DCUN1D5: variants seen among roughly 807,000 people sequenced by gnomAD.
DCUN1D5 encodes the protein DCN1-like protein 5.
Under a neutral mutation model 38.3 loss-of-function variants are expected in DCUN1D5, and 10 were observed. The observed-to-expected ratio is 0.26, with a 90% CI of 0.16 to 0.44. DCUN1D5 has a LOEUF of 0.44. Ranked by LOEUF, DCUN1D5 falls within the 20% of genes least tolerant of loss-of-function variation. The probability of loss-of-function intolerance (pLI) is 1.00; values close to 1 mark genes in which losing one functional copy is unlikely to be tolerated. For missense variants in DCUN1D5, 148 were observed against 275.3 expected (o/e 0.54, Z 3.27); for synonymous variants, 93 against 90.9 (o/e 1.02, Z -0.13).
In DCUN1D5 at chr11:103,065,269, A is replaced by G. The variant is rs542294131; in HGVS notation, c.556-892T>C. Among the ~76,000 whole-genome samples, 9 of 151,914 alleles carry G rather than the reference A, an allele frequency of 5.9e-5. No individual in the cohort carries two copies. The highest frequency in any genetic ancestry group is 2.2e-4 in the African/African-American group (9 of 41,410). On this transcript the variant is annotated intron_variant, in intron 6 of 7. Coordinates refer to ENST00000260247, the MANE Select transcript of DCUN1D5 (RefSeq NM_032299.4). The surrounding 1 kb of genome is among the most constrained non-coding windows in gnomAD (Gnocchi z 4.6). Reference sequence around the variant, plus strand: ...CTGGTTCAAGCAATTCTCGTGCCTCAGCCTCCCGAGTAGCTGGGACTACAG... The same window carrying G: ...CTGGTTCAAGCAATTCTCGTGCCTCGGCCTCCCGAGTAGCTGGGACTACAG...
rs7125239 is a variant in DCUN1D5 at position 103,058,896 on chromosome 11, T to G, written c.*3463A>C. Among the ~76,000 whole-genome samples, 51,497 of 150,324 alleles carry G rather than the reference T, an allele frequency of 0.34. 9,557 individuals carry two copies. Among genetic ancestry groups the G allele is most frequent in the African/African-American group, 0.49 (20,042 of 40,650 alleles). On this transcript the variant is annotated 3_prime_UTR_variant, in exon 8 of 8. Coordinates refer to ENST00000260247, the MANE Select transcript of DCUN1D5 (RefSeq NM_032299.4). ...TAGGAGTAAGACTTTTGGGTTTTTT[T>G]GGGGGGGGTTTTAATTTTATTTTTT...
In DCUN1D5 at chr11:103,071,134, C is replaced by T. The variant is rs1262292442; in HGVS notation, c.342-4567G>A. Among the ~76,000 whole-genome samples, 1 of 152,066 alleles carries T rather than the reference C, an allele frequency of 6.6e-6. No individual in the cohort carries two copies. Among genetic ancestry groups the T allele is most frequent in the Non-Finnish European group, 1.5e-5 (1 of 67,956 alleles). ...AAAAAGCCTTAATCAACAATCTAAGCTTGTACCTCTAGAACCCAGAAAAAG... is the reference window on the plus strand; with the variant it reads ...AAAAAGCCTTAATCAACAATCTAAGTTTGTACCTCTAGAACCCAGAAAAAG... On this transcript the variant is annotated intron_variant, in intron 4 of 7. Coordinates refer to ENST00000260247, the MANE Select transcript of DCUN1D5 (RefSeq NM_032299.4). This position sits in a 1 kb window ranked among gnomAD's most constrained non-coding sequence, Gnocchi z 4.1.
rs891557501 is a variant in DCUN1D5, at chr11:103,091,332, A to C, written c.86+455T>G. On this transcript the variant is annotated intron_variant, in intron 1 of 7. Coordinates refer to ENST00000260247, the MANE Select transcript of DCUN1D5 (RefSeq NM_032299.4). This position sits in a 1 kb window ranked among gnomAD's most constrained non-coding sequence, Gnocchi z 4.3. ...CAAGTTTTCCTTTCTACCATTCCCA[A>C]GACAGTTGTCAAGATTCCTTATGTT... 6.6e-6 allele frequency among the ~76,000 whole-genome samples: 1 copy of C among 152,240 alleles called. No individual in the cohort carries two copies. Among genetic ancestry groups the C allele is most frequent in the Admixed American group, 6.5e-5 (1 of 15,300 alleles).
rs1053729083 is a variant in DCUN1D5 at position 103,086,683 on chromosome 11, G to A, written c.178+2544C>T. On this transcript the variant is annotated intron_variant, in intron 2 of 7. Coordinates refer to ENST00000260247, the MANE Select transcript of DCUN1D5 (RefSeq NM_032299.4). This position sits in a 1 kb window ranked among gnomAD's most constrained non-coding sequence, Gnocchi z 4.1. ...CAAGTCCCCCAAAGGCAGGGATCTT[G>A]TCTGACTTGCTCAGCACTATATATC... Among the ~76,000 whole-genome samples the A allele has an allele frequency of 1.3e-5, 2 of 152,146 alleles. No homozygotes were observed. Among genetic ancestry groups the A allele is most frequent in the African/African-American group, 4.8e-5 (2 of 41,420 alleles).
rs553550151 is a variant in DCUN1D5 at position 103,083,515 on chromosome 11, G to C, written c.179-189C>G. On this transcript the variant is annotated intron_variant, in intron 2 of 7. Transcript: ENST00000260247. The surrounding 1 kb of genome is among the most constrained non-coding windows in gnomAD (Gnocchi z 4.4). Reference sequence around the variant, plus strand: ...ATTTAAAATTTGTGAAGTATTCTTTGAACACCAGATTACAATATGAAATTA... The same window carrying C: ...ATTTAAAATTTGTGAAGTATTCTTTCAACACCAGATTACAATATGAAATTA... Among the ~76,000 whole-genome samples, 1 of 151,866 alleles carries C rather than the reference G, an allele frequency of 6.6e-6. No individual in the cohort carries two copies. The highest frequency in any genetic ancestry group is 2.1e-4 in the South Asian group (1 of 4,810).
Position 103,086,217 on chromosome 11 carries a change from A to T in DCUN1D5, c.179-2891T>A, listed in dbSNP as rs969724388. Among the ~76,000 whole-genome samples the T allele has an allele frequency of 6.6e-6, 1 of 152,226 alleles. No homozygotes were observed. The highest frequency in any genetic ancestry group is 1.5e-5 in the Non-Finnish European group (1 of 68,044). ...AAATTCTCAGTGACACAGCACCTTC[A>T]ACATGAGCTACGTAAGAGTCATTAA... On this transcript the variant is annotated intron_variant, in intron 2 of 7. Transcript: ENST00000260247. The surrounding 1 kb of genome is among the most constrained non-coding windows in gnomAD (Gnocchi z 4.1).
intron 4 of DCUN1D5, among the ~76,000 whole-genome samples, chr11:103,070,547 AAAC>A (rs1373854632): frequency 6.6e-6 from 1 of 152,196 alleles, no homozygotes; most frequent in Non-Finnish European, 1.5e-5. Context: ...TATACACGTT[AAAC>A]AATAGAGCTG....
rs563077028 is a variant in DCUN1D5 at position 103,086,167 on chromosome 11, A to G, written c.179-2841T>C. Among the ~76,000 whole-genome samples the G allele has an allele frequency of 6.6e-6, 1 of 151,630 alleles. No individual in the cohort carries two copies. The highest frequency in any genetic ancestry group is 1.9e-4 in the East Asian group (1 of 5,184). On this transcript the variant is annotated intron_variant, in intron 2 of 7. Coordinates refer to ENST00000260247, the MANE Select transcript of DCUN1D5 (RefSeq NM_032299.4). This position sits in a 1 kb window ranked among gnomAD's most constrained non-coding sequence, Gnocchi z 4.1. ...AAGGCCTAATACCATGCCAGCCATA[A>G]CAGATGCTTAGGGGGAAAAAAAAAA...
Position 103,056,704 on chromosome 11 carries a change from GTTAAA to G in DCUN1D5, c.*5650_*5654del, listed in dbSNP as rs1861881641. On this transcript the variant is annotated 3_prime_UTR_variant, in exon 8 of 8. Transcript: ENST00000260247. The surrounding 1 kb of genome is among the most constrained non-coding windows in gnomAD (Gnocchi z 4.9). The stretch of plus-strand genomic sequence containing the variant: ...GGCATATAGTAGATGCTTGAGATTT[GTTAAA>G]TTAATGATTTAGTCTAAGGAGAATA... Among the ~76,000 whole-genome samples, 1 of 152,140 alleles carries G rather than the reference GTTAAA, an allele frequency of 6.6e-6. No individual in the cohort carries two copies. Among genetic ancestry groups the G allele is most frequent in the Non-Finnish European group, 1.5e-5 (1 of 68,032 alleles).
At position 103,054,982 on chromosome 11, in the gene DCUN1D5, C is replaced by A. The variant is rs998071553; in HGVS notation, c.*7377G>T. 2.6e-5 allele frequency: 4 copies of A among 151,990 alleles called. No homozygotes were observed. The highest frequency in any genetic ancestry group is 2.0e-4 in the Admixed American group (3 of 15,256). The allele number at this position is 151,990 out of a possible 1,614,324, so 9.4% of individuals were successfully genotyped here. A position where few individuals can be genotyped will look rare whatever the true frequency, so the allele number is the denominator to read the frequency against. On this transcript the variant is annotated 3_prime_UTR_variant, in exon 8 of 8. Coordinates refer to ENST00000260247, the MANE Select transcript of DCUN1D5 (RefSeq NM_032299.4). ...TATCTCTTATCCAAAATGCTTGGGA[C>A]CGGAAGTGTTTTAGATTTCTTTTTT...
rs564433867 is a variant in DCUN1D5, at chr11:103,055,977, G to A, written c.*6382C>T. Among the ~76,000 whole-genome samples the A allele has an allele frequency of 5.3e-4, 80 of 152,212 alleles. 2 individuals carry two copies. In the South Asian group the frequency reaches 0.016, roughly 31 times the overall value. ...TATTAATGCCCACTTCATTCTTCAAGCCAAAAACCTTGATCATTCTTTTTT... is the reference window on the plus strand; with the variant it reads ...TATTAATGCCCACTTCATTCTTCAAACCAAAAACCTTGATCATTCTTTTTT... On this transcript the variant is annotated 3_prime_UTR_variant, in exon 8 of 8. Transcript: ENST00000260247.
intron 4 of DCUN1D5, among the ~76,000 whole-genome samples, chr11:103,070,346 G>A (rs1223365694): frequency 3.3e-5 from 5 of 152,066 alleles, no homozygotes; most frequent in African/African-American, 7.2e-5. Context: ...GGTTGAAAGT[G>A]AAACAATGGA....
chr11:103,089,072 A>G (rs1862786018), intron 2 of DCUN1D5, among the ~76,000 whole-genome samples, 155 bp downstream of exon 2: 1 of 152,208 alleles, frequency 6.6e-6, no homozygotes, highest in South Asian at 2.1e-4. Context: ...ATTGGCAACA[A>G]ATTTTTAGTC....
In DCUN1D5 at chr11:103,066,938, G is replaced by A. The variant is rs147561070; in HGVS notation, c.342-371C>T. On this transcript the variant is annotated intron_variant, in intron 4 of 7. Transcript: ENST00000260247. This position sits in a 1 kb window ranked among gnomAD's most constrained non-coding sequence, Gnocchi z 4.7. Reference sequence around the variant, plus strand: ...TGGCAGAGCAAATGAAACTAATCACGCCTTTGTCACACATTTCTTTAGAAA... The same window carrying A: ...TGGCAGAGCAAATGAAACTAATCACACCTTTGTCACACATTTCTTTAGAAA... Among the ~76,000 whole-genome samples the A allele has an allele frequency of 2.6e-4, 40 of 152,188 alleles. No homozygotes were observed. In the East Asian group the frequency reaches 6.6e-3, roughly 25 times the overall value.
rs184258905 is a variant in DCUN1D5 at position 103,073,873 on chromosome 11, G to T, written c.342-7306C>A. Among the ~76,000 whole-genome samples the T allele has an allele frequency of 1.1e-3, 166 of 152,216 alleles. No individual in the cohort carries two copies. The highest frequency in any genetic ancestry group is 1.9e-3 in the Non-Finnish European group (130 of 68,020). On this transcript the variant is annotated intron_variant, in intron 4 of 7. Transcript: ENST00000260247. The surrounding 1 kb of genome is among the most constrained non-coding windows in gnomAD (Gnocchi z 4.2). ...AGATCACTTGAGGTCAGGATTTTGAGACCAGCCTGGCCAACATGGTGAAAT... is the reference window on the plus strand; with the variant it reads ...AGATCACTTGAGGTCAGGATTTTGATACCAGCCTGGCCAACATGGTGAAAT...
chr11:103,065,000 G>A lies in DCUN1D5; in HGVS notation c.556-623C>T, dbSNP rs1862100183. Among the ~76,000 whole-genome samples, 1 of 152,080 alleles carries A rather than the reference G, an allele frequency of 6.6e-6. No individual in the cohort carries two copies. The highest frequency in any genetic ancestry group is 1.5e-5 in the Non-Finnish European group (1 of 68,004). ...ATTTAGTTCTTCTCAGCTCCCCATA[G>A]AGCTGAATATTTTTACATTCAGTTA... On this transcript the variant is annotated intron_variant, in intron 6 of 7. Transcript: ENST00000260247. This position sits in a 1 kb window ranked among gnomAD's most constrained non-coding sequence, Gnocchi z 4.5.
At chr11:103,075,462 A>T (rs1330376311) in intron 4 of DCUN1D5, among the ~76,000 whole-genome samples, 1 of 152,132 alleles carries the variant, frequency 6.6e-6, no homozygotes, top group African/African-American at 2.4e-5. Flanking sequence ...GCTCACTGCA[A>T]CCTACGCCTC....
rs769983050 is a variant in DCUN1D5, at chr11:103,060,633, G to A, written c.*1726C>T. ...CTTTTAAAAAACATGTCATCTATAAGCTTTAAGTGTTCCCTATTTTACTCA... is the reference window on the plus strand; with the variant it reads ...CTTTTAAAAAACATGTCATCTATAAACTTTAAGTGTTCCCTATTTTACTCA... On this transcript the variant is annotated 3_prime_UTR_variant, in exon 8 of 8. Transcript: ENST00000260247. Among the ~76,000 whole-genome samples the A allele has an allele frequency of 3.3e-5, 5 of 152,060 alleles. No individual in the cohort carries two copies. Among genetic ancestry groups the A allele is most frequent in the Admixed American group, 6.6e-5 (1 of 15,256 alleles).
intron 3 of DCUN1D5, 106 bp from the exon 4 acceptor site, chr11:103,082,945 C>G (rs1158620580): frequency 1.2e-6 from 1 of 812,984 alleles, no homozygotes; most frequent in East Asian, 2.5e-5. Flanking sequence ...CATCCTTCAA[C>G]TATTAAAGAG....
Sources: allele counts gnomAD v4.1 joint callset (sites outside exome capture counted in the v4.1 genomes callset), GRCh38; gene constraint gnomAD v4.1.1; non-coding constraint Gnocchi (gnomAD v3.1); transcripts MANE v1.5; gene names NCBI Gene and HGNC (gene_info 2026-07-23, HGNC 2026-07-21).